MAP2K5: variants seen among roughly 807,000 people sequenced by gnomAD.
The protein encoded by MAP2K5 is dual specificity mitogen-activated protein kinase kinase 5.
Under a neutral mutation model 83.1 loss-of-function variants are expected in MAP2K5, and 49 were observed. The observed-to-expected ratio is 0.59, with a 90% CI of 0.47 to 0.75. The LOEUF is 0.75. Among genes scored for constraint, MAP2K5 ranks in the 30% least tolerant of loss-of-function variants. MAP2K5 has a pLI of 0.00. For missense variants in MAP2K5, 457 were observed against 557.5 expected, an observed-to-expected ratio of 0.82 and a Z score of 1.82; for synonymous variants, 202 against 191.8, an observed-to-expected ratio of 1.05 and a Z score of -0.44.
Position 67,576,777 on chromosome 15 carries a change from C to G in MAP2K5, c.253-3977C>G, listed in dbSNP as rs535611795. On this transcript the variant is annotated intron_variant, in intron 3 of 21. Transcript: ENST00000178640. ...TGCATTTTTAAATGCTGCAACACTT[C>G]TAAGATAGAAAGTTTGCTTAATATT... is the stretch of plus-strand genomic sequence containing the variant. Among the ~76,000 whole-genome samples, 208 of 147,684 alleles carry G rather than the reference C, an allele frequency of 1.4e-3. 20 individuals are homozygous for G. The highest frequency in any genetic ancestry group is 3.5e-3 in the Middle Eastern group (1 of 284).
At chr15:67,697,790 C>A (rs2141208995) in intron 15 of MAP2K5, among the ~76,000 whole-genome samples, 1 of 152,256 alleles carries the variant, frequency 6.6e-6, no homozygotes, top group South Asian at 2.1e-4. Context: ...AATGAAATAG[C>A]CCTGTATATG....
At chr15:67,726,714 G>A (rs1160035299) in intron 16 of MAP2K5, among the ~76,000 whole-genome samples, 2 of 152,136 alleles carry the variant, frequency 1.3e-5, no homozygotes, top group African/African-American at 4.8e-5. Context: ...GTGGGACTCT[G>A]GGTTTTAATC....
rs1254919086 is a variant in MAP2K5 at position 67,778,781 on chromosome 15, T to G, written c.1242+6029T>G. Among the ~76,000 whole-genome samples the G allele has an allele frequency of 1.3e-5, 2 of 152,152 alleles. No homozygotes were observed. The highest frequency in any genetic ancestry group is 4.8e-5 in the African/African-American group (2 of 41,420). On this transcript the variant is annotated intron_variant, in intron 21 of 21. Coordinates refer to ENST00000178640, the MANE Select transcript of MAP2K5 (RefSeq NM_145160.3). The surrounding 1 kb of genome is among the most constrained non-coding windows in gnomAD (Gnocchi z 5.0). The stretch of plus-strand genomic sequence containing the variant: ...AAACATGCCAAAGATAAGTTTCGGT[T>G]TACTTTGATCCGGGGCTTACCTGTG...
chr15:67,741,477 G>A (rs2089490620), intron 17 of MAP2K5, among the ~76,000 whole-genome samples: 1 of 152,200 alleles, frequency 6.6e-6, no homozygotes. Context: ...GAGGGGAACA[G>A]CAGGTCTCTT....
At chr15:67,696,864 A>G (rs2088276867) in intron 15 of MAP2K5, among the ~76,000 whole-genome samples, 1 of 152,194 alleles carries the variant, frequency 6.6e-6, no homozygotes, top group Non-Finnish European at 1.5e-5. Flanking sequence ...CTGTAATCCC[A>G]GCTACTCAGG....
chr15:67,564,046 CCT>C (rs2084793162), intron 3 of MAP2K5, among the ~76,000 whole-genome samples: 1 of 152,148 alleles, frequency 6.6e-6, no homozygotes, highest in Admixed American at 6.5e-5. Flanking sequence ...TTTGTGCCTT[CCT>C]CTCAAGTTTT....
At chr15:67,626,394 G>A (rs1427755314) in intron 8 of MAP2K5, among the ~76,000 whole-genome samples, 1 of 152,116 alleles carries the variant, frequency 6.6e-6, no homozygotes, top group Non-Finnish European at 1.5e-5. Flanking sequence ...AGGTGTGGTG[G>A]TGGGCTCCTG....
At chr15:67,629,734 G>A (rs1446340182) in intron 8 of MAP2K5, among the ~76,000 whole-genome samples, 1 of 152,088 alleles carries the variant, frequency 6.6e-6, no homozygotes, top group African/African-American at 2.4e-5. Context: ...ATCTTAGCTA[G>A]TGTATAAAAT....
chr15:67,626,246 G>T (rs1008788689), intron 8 of MAP2K5, among the ~76,000 whole-genome samples: 2 of 152,150 alleles, frequency 1.3e-5, no homozygotes, highest in African/African-American at 4.8e-5. Context: ...CAGGCCAAGT[G>T]TGGTGGCTCA....
chr15:67,578,617 A>G (rs1455041415), intron 3 of MAP2K5, among the ~76,000 whole-genome samples: 1 of 152,178 alleles, frequency 6.6e-6, no homozygotes, highest in Non-Finnish European at 1.5e-5. Flanking sequence ...CATACTTGAT[A>G]TCATTACTGT....
intron 8 of MAP2K5, among the ~76,000 whole-genome samples, chr15:67,625,227 G>T (rs2086290330): frequency 6.6e-6 from 1 of 152,120 alleles, no homozygotes. Context: ...CGCTTGCACT[G>T]GGCTCTTTGT....
chr15:67,762,018 A>C (rs1412713136), intron 19 of MAP2K5, among the ~76,000 whole-genome samples: 1 of 152,218 alleles, frequency 6.6e-6, no homozygotes, highest in South Asian at 2.1e-4. Flanking sequence ...ACAGGTAGGA[A>C]TTGCTGAATA....
chr15:67,554,404 ATATCT>A (rs1239905119), intron 2 of MAP2K5, among the ~76,000 whole-genome samples: 15 of 152,214 alleles, frequency 9.9e-5, no homozygotes, highest in African/African-American at 3.6e-4. Context: ...ACACTAATTG[ATATCT>A]TATATAAAAG....
chr15:67,560,697 A>T (rs1004903813), intron 2 of MAP2K5, among the ~76,000 whole-genome samples: 5 of 152,238 alleles, frequency 3.3e-5, no homozygotes, highest in Non-Finnish European at 7.3e-5. Context: ...TTTTTATGCA[A>T]CTTCTCTTCA....
chr15:67,704,434 A>G (rs1424830751), intron 16 of MAP2K5, among the ~76,000 whole-genome samples: 6 of 152,240 alleles, frequency 3.9e-5, no homozygotes, highest in Non-Finnish European at 4.4e-5. Context: ...TTTAAATAAT[A>G]TCATAGATAG....
chr15:67,764,657 TTGAATGAA>T lies in MAP2K5; in HGVS notation c.1135-4935_1135-4928del, dbSNP rs1201234284. Among the ~76,000 whole-genome samples the T allele has an allele frequency of 2.6e-5, 4 of 152,280 alleles. No homozygotes were observed. In the South Asian group the frequency reaches 8.3e-4, roughly 32 times the overall value. Reference sequence around the variant, plus strand: ...ACATGGTAGATGCCCACAAAAGCTGTTGAATGAATGAATGAATAATGAATGATTGTATC... The same window carrying T: ...ACATGGTAGATGCCCACAAAAGCTGTTGAATGAATAATGAATGATTGTATC... On this transcript the variant is annotated intron_variant, in intron 19 of 21. Transcript: ENST00000178640. This position sits in a 1 kb window ranked among gnomAD's most constrained non-coding sequence, Gnocchi z 4.9.
intron 2 of MAP2K5, among the ~76,000 whole-genome samples, chr15:67,558,690 G>T (rs913940281): frequency 1.8e-4 from 28 of 152,138 alleles, no homozygotes; most frequent in African/African-American, 6.5e-4. Flanking sequence ...AGCCACTCTG[G>T]CTTCCTTTCG....
At chr15:67,657,174 A>G (rs769169699) in intron 11 of MAP2K5, among the ~76,000 whole-genome samples, 1 of 152,146 alleles carries the variant, frequency 6.6e-6, no homozygotes, top group Non-Finnish European at 1.5e-5. Flanking sequence ...TGGTAAGGTA[A>G]TCTTTGTTTT....
chr15:67,805,304 C>CTAGGA (rs2090780788), intron 21 of MAP2K5, among the ~76,000 whole-genome samples: 1 of 152,124 alleles, frequency 6.6e-6, no homozygotes, highest in South Asian at 2.1e-4. Context: ...ATGAGGCGGC[C>CTAGGA]TGAGCATTCT....
Sources: gnomAD v4.1 joint callset for allele counts (sites outside exome capture counted in the v4.1 genomes callset) on GRCh38, gnomAD v4.1.1 for gene constraint, Gnocchi (gnomAD v3.1) non-coding constraint, MANE v1.5 for transcripts, NCBI Gene and HGNC (gene_info 2026-07-23, HGNC 2026-07-21) for gene names.